TMC1: variants seen among roughly 807,000 people sequenced by gnomAD.
TMC1 encodes transmembrane channel-like protein 1.
In TMC1, 84 loss-of-function variants were observed where a neutral mutation model predicts 105.8. The ratio of observed to expected loss-of-function variants is 0.79; its 90% CI spans 0.67 to 0.95. The LOEUF (loss-of-function observed/expected upper bound fraction) is 0.95. Among genes scored for constraint, TMC1 ranks in the 40% least tolerant of loss-of-function variants. TMC1 has a pLI of 0.00. For synonymous variants in TMC1, 315 were observed against 311.5 expected (o/e 1.01, Z -0.12); for missense variants, 817 against 914.1 (o/e 0.89, Z 1.37).
At chr9:72,628,547 C>A (rs900894789) in intron 4 of TMC1, among the ~76,000 whole-genome samples, 2 of 152,162 alleles carry the variant, frequency 1.3e-5, no homozygotes, top group East Asian at 1.9e-4. Context: ...CAGTTTAAAT[C>A]GATTTTCAAC....
chr9:72,726,868 A>G (rs1482656866), intron 8 of TMC1, among the ~76,000 whole-genome samples: 1 of 152,234 alleles, frequency 6.6e-6, no homozygotes, highest in African/African-American at 2.4e-5. Context: ...ATTGTGTTGA[A>G]ACACATTACC....
At chr9:72,789,433 C>T (rs1828227322) in intron 15 of TMC1, 116 bp downstream of exon 15, 1 of 962,358 alleles carries the variant, frequency 1.0e-6, no homozygotes, top group South Asian at 1.4e-5. Flanking sequence ...CCTATCCTGC[C>T]CTTACAGTTA....
chr9:72,604,451 C>T (rs1280273282), intron 2 of TMC1, among the ~76,000 whole-genome samples: 2 of 152,140 alleles, frequency 1.3e-5, no homozygotes, highest in Admixed American at 6.5e-5. Flanking sequence ...TATTTACCAG[C>T]CCAATATCTT....
chr9:72,821,198 G>A, intron 20 of TMC1, 117 bp downstream of exon 20: 1 of 1,503,276 alleles, frequency 6.7e-7, no homozygotes, highest in Admixed American at 1.7e-5. Context: ...TTTGGTTGGT[G>A]GAAATGAGAT....
chr9:72,778,761 G>T (rs1828043922), intron 13 of TMC1, among the ~76,000 whole-genome samples: 2 of 152,176 alleles, frequency 1.3e-5, no homozygotes, highest in Admixed American at 1.3e-4. Flanking sequence ...CTTTCCTGAG[G>T]TTCATGCCAG....
At chr9:72,789,379 G>A (rs1167522173) in intron 15 of TMC1, 62 bp downstream of exon 15, 2 of 1,549,548 alleles carry the variant, frequency 1.3e-6, no homozygotes, top group East Asian at 2.2e-5. Flanking sequence ...TGTGGGTTAT[G>A]TTTCTTTGAT....
intron 1 of TMC1, among the ~76,000 whole-genome samples, chr9:72,539,105 G>C (rs1243389909): frequency 6.6e-6 from 1 of 152,028 alleles, no homozygotes; most frequent in African/African-American, 2.4e-5. Flanking sequence ...CTGCTGCTGG[G>C]CATGGTGACT....
intron 2 of TMC1, among the ~76,000 whole-genome samples, chr9:72,601,179 C>CACACACACACACAG (rs1824806462): frequency 7.4e-6 from 1 of 134,392 alleles, no homozygotes; most frequent in African/African-American, 3.2e-5. Context: ...TACACACACA[C>CACACACACACACAG]ACACACACAC....
chr9:72,764,301 A>G (rs1485271266), intron 12 of TMC1, among the ~76,000 whole-genome samples: 16 of 152,186 alleles, frequency 1.1e-4, no homozygotes, highest in Non-Finnish European at 2.4e-4. Context: ...TGAATTCACA[A>G]AGCTTCACTC....
intron 10 of TMC1, among the ~76,000 whole-genome samples, chr9:72,749,198 G>C (rs1827539109): frequency 2.6e-5 from 4 of 152,204 alleles, no homozygotes; most frequent in Admixed American, 2.6e-4. Context: ...TGTAGGTGCT[G>C]AGAGGATGGG....
chr9:72,584,587 G>A (rs1159367527), intron 2 of TMC1, among the ~76,000 whole-genome samples: 1 of 151,824 alleles, frequency 6.6e-6, no homozygotes, highest in Non-Finnish European at 1.5e-5. Flanking sequence ...AAATTGAAGT[G>A]AGAAATGGGA....
chr9:72,807,479 A>C (rs1332573321), intron 18 of TMC1, among the ~76,000 whole-genome samples: 1 of 152,202 alleles, frequency 6.6e-6, no homozygotes, highest in African/African-American at 2.4e-5. Context: ...AAATTAGCAC[A>C]AGATAGCAAA....
chr9:72,767,364 A>G (rs1346254779), intron 12 of TMC1, among the ~76,000 whole-genome samples: 2 of 152,220 alleles, frequency 1.3e-5, no homozygotes, highest in Non-Finnish European at 2.9e-5. Flanking sequence ...GTTATCTTTC[A>G]TGGTGAACAT....
At chr9:72,804,938 T>C (rs1428711258) in intron 17 of TMC1, among the ~76,000 whole-genome samples, 1 of 152,258 alleles carries the variant, frequency 6.6e-6, no homozygotes, top group Non-Finnish European at 1.5e-5. Flanking sequence ...GCTGGTTTCT[T>C]TCTTTATTGG....
At chr9:72,611,917 G>C (rs929948697) in intron 2 of TMC1, among the ~76,000 whole-genome samples, 2 of 151,966 alleles carry the variant, frequency 1.3e-5, no homozygotes, top group Non-Finnish European at 2.9e-5. Flanking sequence ...CTTCTGTCCC[G>C]CTCTGTCCCC....
chr9:72,706,776 TTC>T (rs1826748243), intron 8 of TMC1, among the ~76,000 whole-genome samples: 1 of 148,376 alleles, frequency 6.7e-6, no homozygotes, highest in African/African-American at 2.4e-5. Flanking sequence ...TTTTCTTTCT[TTC>T]TTTTTTTTTT....
intron 1 of TMC1, among the ~76,000 whole-genome samples, chr9:72,575,528 C>G (rs1411739183): frequency 6.6e-6 from 1 of 152,126 alleles, no homozygotes; most frequent in African/African-American, 2.4e-5. Context: ...TTGCAAATCT[C>G]TCGAATAGGA....
chr9:72,538,450 T>A (rs1047713803), intron 1 of TMC1, among the ~76,000 whole-genome samples: 15 of 151,478 alleles, frequency 9.9e-5, no homozygotes, highest in African/African-American at 3.7e-4. Flanking sequence ...TTGTATCGTA[T>A]TTTTGAGACA....
intron 2 of TMC1, among the ~76,000 whole-genome samples, chr9:72,579,522 C>T (rs956848641): frequency 2.6e-5 from 4 of 152,158 alleles, no homozygotes; most frequent in Non-Finnish European, 5.9e-5. Flanking sequence ...TGAGAACCAC[C>T]GCTTTAGCTT....
Sources: gnomAD v4.1 joint callset for allele counts (sites outside exome capture counted in the v4.1 genomes callset) on GRCh38, gnomAD v4.1.1 for gene constraint, MANE v1.5 for transcripts, NCBI Gene and HGNC (gene_info 2026-07-23, HGNC 2026-07-21) for gene names.